Variants in CDK13 observed in about 807,000 individuals in gnomAD.
CDK13 encodes the protein cyclin dependent kinase 13, also known as cyclin-dependent kinase 13.
A neutral mutation model predicts 137.6 loss-of-function variants in CDK13; 40 were observed. The observed-to-expected ratio is 0.29, with a 90% confidence interval of 0.23 to 0.38. CDK13 has a LOEUF of 0.38. Ranked by LOEUF, CDK13 falls within the 10% of genes least tolerant of loss-of-function variation. The pLI, the probability that CDK13 is intolerant of heterozygous loss-of-function variation, is 1.00. For missense variants in CDK13, 1,704 were observed against 1,951.8 expected (o/e 0.87, Z 2.39); for synonymous variants, 869 against 760.1 (o/e 1.14, Z -2.36).
chr7:39,969,188 T>G (rs17496205), intron 1 of CDK13, among the ~76,000 whole-genome samples: 7,123 of 152,164 alleles, frequency 0.047, 609 homozygotes, highest in African/African-American at 0.16. Flanking sequence ...TGTTTTTGTA[T>G]TTTTAGTAGA....
rs1346831277 is a variant in CDK13, at chr7:40,099,404, C to G, written c.*4424C>G. The G allele has an allele frequency of 6.6e-6, 1 of 152,142 alleles. No individual in the cohort carries two copies. Among genetic ancestry groups the G allele is most frequent in the African/African-American group, 2.4e-5 (1 of 41,440 alleles). The allele number at this position is 152,142 out of a possible 1,614,324, so 9.4% of individuals were successfully genotyped here. ...GCTCTATAGTGAATACAGAATCACT[C>G]TTCTAAGTTTTTTCCCAGTTAATTT... is the stretch of plus-strand genomic sequence containing the variant. On this transcript the variant is annotated 3_prime_UTR_variant, in exon 14 of 14. Transcript: ENST00000181839.
intron 5 of CDK13, among the ~76,000 whole-genome samples, chr7:40,015,059 G>A (rs745871754): frequency 3.0e-4 from 45 of 152,160 alleles, no homozygotes; most frequent in Admixed American, 9.8e-4. Context: ...AGAGGAATGT[G>A]TTTTAGTTAA....
In CDK13 at chr7:40,000,140, C is replaced by G. The variant is rs1784653079; in HGVS notation, c.2182+640C>G. ...CCTATAATCCTAGCACTTTGGGAGGCTGAGACAGGCAGATCACCTAAGGCC... is the reference window on the plus strand; with the variant it reads ...CCTATAATCCTAGCACTTTGGGAGGGTGAGACAGGCAGATCACCTAAGGCC... On this transcript the variant is annotated intron_variant, in intron 4 of 13. Transcript: ENST00000181839. 3.3e-5 allele frequency among the ~76,000 whole-genome samples: 5 copies of G among 152,280 alleles called. No homozygotes were observed. The South Asian group carries it at 1.0e-3, about 32-fold the overall frequency.
At chr7:40,044,762 G>A (rs536604237) in intron 5 of CDK13, among the ~76,000 whole-genome samples, 48 of 152,046 alleles carry the variant, frequency 3.2e-4, no homozygotes, top group Middle Eastern at 6.8e-3. Flanking sequence ...TCAGCCTCCC[G>A]AGTAGCTGGA....
At chr7:40,027,762 G>T (rs908504381) in intron 5 of CDK13, among the ~76,000 whole-genome samples, 1 of 149,814 alleles carries the variant, frequency 6.7e-6, no homozygotes, top group East Asian at 2.0e-4. Context: ...AGATTGGGCA[G>T]TTGGAGCCTT....
At chr7:40,078,427 A>G (rs951693270) in intron 10 of CDK13, 10 of 286,386 alleles carry the variant, frequency 3.5e-5, no homozygotes, top group Non-Finnish European at 5.8e-5. Flanking sequence ...AGAAAAAACT[A>G]TACTGTTCAG....
intron 5 of CDK13, among the ~76,000 whole-genome samples, chr7:40,027,983 C>G (rs2150502175): frequency 6.6e-6 from 1 of 150,442 alleles, no homozygotes; most frequent in Non-Finnish European, 1.5e-5. Flanking sequence ...AGTAGAAGCT[C>G]AGAAGATTGA....
intron 1 of CDK13, chr7:39,952,118 C>G (rs1264495043): frequency 2.8e-6 from 1 of 362,936 alleles, no homozygotes; most frequent in African/African-American, 2.1e-5. Context: ...AAGTTTCAGA[C>G]TTGTTGCATT....
At chr7:40,088,063 A>C in intron 11 of CDK13, 63 bp from the exon 12 acceptor site, 1 of 1,386,316 alleles carries the variant, frequency 7.2e-7, no homozygotes, top group South Asian at 1.2e-5. Context: ...GTTGCTATAT[A>C]GTAACTGTAG....
At chr7:40,083,195 G>T (rs558493339) in intron 11 of CDK13, among the ~76,000 whole-genome samples, 59 of 151,698 alleles carry the variant, frequency 3.9e-4, no homozygotes, top group African/African-American at 1.3e-3. Context: ...TTGGAGGCTG[G>T]GCATGGTGAC....
rs1279673465 is a variant in CDK13, at chr7:40,097,921, T to C, written c.*2941T>C. The C allele has an allele frequency of 9.9e-5, 15 of 152,152 alleles. No homozygotes were observed. The highest frequency in any genetic ancestry group is 9.8e-4 in the Admixed American group (15 of 15,266). The allele number at this position is 152,152 out of a possible 1,614,324, so 9.4% of individuals were successfully genotyped here. A position where few individuals can be genotyped will look rare whatever the true frequency, so the allele number is the denominator to read the frequency against. ...TCAGTGCCTACAACATGCCAGGTAG[T>C]AATCTAGTCCTTGGGGTACATCAAT... On this transcript the variant is annotated 3_prime_UTR_variant, in exon 14 of 14. Transcript: ENST00000181839.
rs1787021566 is a variant in CDK13, at chr7:40,095,168, T to C, written c.*188T>C. 2.4e-6 allele frequency: 1 copy of C among 415,688 alleles called. No homozygotes were observed. Among genetic ancestry groups the C allele is most frequent in the Non-Finnish European group, 4.0e-6 (1 of 246,978 alleles). The allele number at this position is 415,688 out of a possible 1,614,324, so 25.7% of individuals were successfully genotyped here. ...ACCTTTGCTTAAATTCATGCTGTTC[T>C]AAAAACTAGATCGATTGTACATCTT... is the stretch of plus-strand genomic sequence containing the variant. On this transcript the variant is annotated 3_prime_UTR_variant, in exon 14 of 14. Transcript: ENST00000181839.
At chr7:40,076,767 A>G (rs1393936032) in intron 9 of CDK13, among the ~76,000 whole-genome samples, 1 of 152,342 alleles carries the variant, frequency 6.6e-6, no homozygotes, top group East Asian at 1.9e-4. Flanking sequence ...AGCTAAAAAA[A>G]TGTCTGGCAA....
intron 9 of CDK13, among the ~76,000 whole-genome samples, chr7:40,068,858 A>G (rs1287317771): frequency 6.6e-6 from 1 of 152,162 alleles, no homozygotes; most frequent in African/African-American, 2.4e-5. Context: ...ATGGACTTTC[A>G]AGAAGACTAG....
chr7:39,979,216 C>CT (rs71560152), intron 1 of CDK13, among the ~76,000 whole-genome samples: 54,210 of 130,748 alleles, frequency 0.41, 12,836 homozygotes, highest in African/African-American at 0.63. Flanking sequence ...TCTTTTTTTT[C>CT]TTTTTTTTTT....
chr7:40,060,466 T>A (rs188357939), intron 7 of CDK13, among the ~76,000 whole-genome samples: 101 of 152,310 alleles, frequency 6.6e-4, no homozygotes, highest in Non-Finnish European at 1.1e-3. Flanking sequence ...ACAAATTTTG[T>A]TCTTCCACCC....
At chr7:40,021,122 T>TACACACACACACACACAC (rs1304409836) in intron 5 of CDK13, among the ~76,000 whole-genome samples, 4 of 108,628 alleles carry the variant, frequency 3.7e-5, no homozygotes, top group East Asian at 3.7e-4. Context: ...TATATATATA[T>TACACACACACACACACAC]ACACACACAC....
At chr7:40,003,206 A>ACACACACTCTCTCTCTCTCTCT (rs374470130) in intron 5 of CDK13, among the ~76,000 whole-genome samples, 2 of 79,864 alleles carry the variant, frequency 2.5e-5, no homozygotes, top group African/African-American at 9.5e-5. Flanking sequence ...ACACACACAC[A>ACACACACTCTCTCTCTCTCTCT]CTCTCTCTCT....
intron 11 of CDK13, among the ~76,000 whole-genome samples, chr7:40,083,490 C>T (rs968945958): frequency 1.3e-5 from 2 of 152,150 alleles, no homozygotes; most frequent in Admixed American, 1.3e-4. Flanking sequence ...ATTAGGAAAT[C>T]AGCATGTAAT....
Sources: allele counts gnomAD v4.1 joint callset (sites outside exome capture counted in the v4.1 genomes callset), GRCh38; gene constraint gnomAD v4.1.1; transcripts MANE v1.5; gene names NCBI Gene and HGNC (gene_info 2026-07-23, HGNC 2026-07-21).